Variants in DOK6 observed in about 807,000 individuals in gnomAD.
The protein encoded by DOK6 is docking protein 6.
DOK6 carries 22 observed loss-of-function variants against 44.0 expected under a neutral mutation model. The ratio of observed to expected loss-of-function variants is 0.50; its 90% confidence interval spans 0.36 to 0.71. The LOEUF is 0.71. Ranked by LOEUF, DOK6 falls within the 30% of genes least tolerant of loss-of-function variation. DOK6 has a pLI of 0.00. For synonymous variants in DOK6, 166 were observed against 145.5 expected, an observed-to-expected ratio of 1.14 and a Z score of -1.01; for missense variants, 340 against 416.4, an observed-to-expected ratio of 0.82 and a Z score of 1.60.
chr18:69,786,586 T>C (rs1980437711), intron 7 of DOK6, among the ~76,000 whole-genome samples: 1 of 152,202 alleles, frequency 6.6e-6, no homozygotes. Flanking sequence ...CAATGAAGTG[T>C]TATTTCCTAC....
At position 69,623,592 on chromosome 18, in the gene DOK6, CAG is replaced by C. The variant is rs1984492176; in HGVS notation, c.289+24097_289+24098del. 1.4e-4 allele frequency among the ~76,000 whole-genome samples: 21 copies of C among 152,178 alleles called. 1 individual carries two copies. The South Asian group carries it at 4.1e-3, about 30-fold the overall frequency. The stretch of plus-strand genomic sequence containing the variant: ...GTAAGGCAATGTAGGGCACTGGAAA[CAG>C]AGGGATCTAACCCAGCCAACTGTTA... On this transcript the variant is annotated intron_variant, in intron 3 of 7. Transcript: ENST00000382713.
chr18:69,697,102 A>C (rs1986405767), intron 4 of DOK6, among the ~76,000 whole-genome samples: 2 of 151,868 alleles, frequency 1.3e-5, no homozygotes, highest in South Asian at 4.2e-4. Flanking sequence ...ATGTTAAGCT[A>C]TCATGGTTAT....
At chr18:69,679,775 T>A (rs1217095103) in intron 4 of DOK6, among the ~76,000 whole-genome samples, 1 of 152,254 alleles carries the variant, frequency 6.6e-6, no homozygotes, top group Non-Finnish European at 1.5e-5. Context: ...AAATGTATAA[T>A]GTACTTCTTT....
chr18:69,494,580 C>G (rs1980829146), intron 1 of DOK6, among the ~76,000 whole-genome samples: 1 of 152,140 alleles, frequency 6.6e-6, no homozygotes, highest in African/African-American at 2.4e-5. Context: ...ATTTTATTTT[C>G]TGGAATTACT....
chr18:69,512,167 G>T (rs894798538), intron 1 of DOK6, among the ~76,000 whole-genome samples: 8 of 146,544 alleles, frequency 5.5e-5, no homozygotes, highest in African/African-American at 2.0e-4. Context: ...TTGCAGATGG[G>T]TCTCCTTGTC....
At chr18:69,517,228 A>C (rs1414052434) in intron 1 of DOK6, among the ~76,000 whole-genome samples, 1 of 152,220 alleles carries the variant, frequency 6.6e-6, no homozygotes, top group Non-Finnish European at 1.5e-5. Context: ...ATTAAGCTTC[A>C]GTAGATGGAT....
chr18:69,804,461 A>C (rs1980995686), intron 7 of DOK6, among the ~76,000 whole-genome samples: 1 of 152,208 alleles, frequency 6.6e-6, no homozygotes, highest in African/African-American at 2.4e-5. Context: ...ACATATATAC[A>C]ATCATCAATT....
chr18:69,414,455 A>G (rs12373300), intron 1 of DOK6, among the ~76,000 whole-genome samples: 64,056 of 151,800 alleles, frequency 0.42, 13,921 homozygotes, highest in East Asian at 0.64. Context: ...GGGTGTCTAT[A>G]AAAACACCAA....
At chr18:69,674,351 TG>T (rs1288378497) in intron 3 of DOK6, among the ~76,000 whole-genome samples, 1 of 152,204 alleles carries the variant, frequency 6.6e-6, no homozygotes, top group Non-Finnish European at 1.5e-5. Context: ...CTGATCTTAT[TG>T]AGCCAAATAC....
chr18:69,485,881 A>ATG (rs3044887), intron 1 of DOK6, among the ~76,000 whole-genome samples: 70,298 of 147,036 alleles, frequency 0.48, 16,938 homozygotes, highest in Middle Eastern at 0.58. Flanking sequence ...ATACGTATAT[A>ATG]TGTGTGTGTG....
intron 2 of DOK6, among the ~76,000 whole-genome samples, chr18:69,581,962 C>A (rs12968328): frequency 0.53 from 79,894 of 152,064 alleles, 25,084 homozygotes; most frequent in Non-Finnish European, 0.72. Flanking sequence ...GCCTGACATG[C>A]TGCCTCTTAA....
At chr18:69,698,677 C>CCT in intron 5 of DOK6, 84 bp downstream of exon 5, 1 of 1,362,226 alleles carries the variant, frequency 7.3e-7, no homozygotes, top group South Asian at 1.6e-5. Flanking sequence ...GAGTGCTGTC[C>CCT]ATCATTGCCC....
chr18:69,709,746 T>A (rs1294328395), intron 5 of DOK6, among the ~76,000 whole-genome samples: 1 of 152,252 alleles, frequency 6.6e-6, no homozygotes, highest in Non-Finnish European at 1.5e-5. Flanking sequence ...TTTCTTGTTA[T>A]AAATAAAATT....
At chr18:69,763,074 G>A (rs1979614101) in intron 7 of DOK6, among the ~76,000 whole-genome samples, 1 of 151,992 alleles carries the variant, frequency 6.6e-6, no homozygotes, top group Admixed American at 6.6e-5. Context: ...CGCCCAGAAG[G>A]GTGCTCTCAA....
intron 7 of DOK6, among the ~76,000 whole-genome samples, chr18:69,811,654 T>C (rs765576726): frequency 2.7e-5 from 4 of 150,942 alleles, no homozygotes; most frequent in Admixed American, 6.6e-5. Flanking sequence ...AAAAGATATG[T>C]AAGTGCCATC....
intron 1 of DOK6, among the ~76,000 whole-genome samples, chr18:69,464,257 G>T (rs1979866981): frequency 6.6e-6 from 1 of 152,190 alleles, no homozygotes; most frequent in African/African-American, 2.4e-5. Context: ...CCTGATGTGG[G>T]ATTGACATCC....
chr18:69,727,124 G>A (rs534274030), intron 5 of DOK6, among the ~76,000 whole-genome samples: 6 of 152,254 alleles, frequency 3.9e-5, no homozygotes, highest in African/African-American at 1.4e-4. Flanking sequence ...CTCCCAGAGT[G>A]CTTGGTTAAC....
chr18:69,631,583 T>C (rs1984691133), intron 3 of DOK6, among the ~76,000 whole-genome samples: 1 of 152,176 alleles, frequency 6.6e-6, no homozygotes, highest in African/African-American at 2.4e-5. Flanking sequence ...GGCTCTTTCA[T>C]CATTACTGGG....
At chr18:69,659,586 C>A (rs550440394) in intron 3 of DOK6, among the ~76,000 whole-genome samples, 1 of 151,898 alleles carries the variant, frequency 6.6e-6, no homozygotes, top group Non-Finnish European at 1.5e-5. Flanking sequence ...GCAAACAGGT[C>A]GTTAAATGCA....
Sources: gnomAD v4.1 joint callset for allele counts (sites outside exome capture counted in the v4.1 genomes callset) on GRCh38, gnomAD v4.1.1 for gene constraint, MANE v1.5 for transcripts, NCBI Gene and HGNC (gene_info 2026-07-23, HGNC 2026-07-21) for gene names.